The following ZNF365 variants were observed in gnomAD, a reference collection of about 807,000 sequenced individuals.
ZNF365 encodes protein ZNF365.
ZNF365 carries 22 observed loss-of-function variants against 35.0 expected under a neutral mutation model. The ratio of observed to expected loss-of-function variants is 0.63; its 90% confidence interval spans 0.45 to 0.90. The LOEUF (loss-of-function observed/expected upper bound fraction) is 0.90, where lower values mean the gene tolerates loss of function less well. Ranked by LOEUF, ZNF365 falls within the 40% of genes least tolerant of loss-of-function variation. The probability of loss-of-function intolerance (pLI) is 0.00; values close to 1 mark genes in which losing one functional copy is unlikely to be tolerated. For missense variants in ZNF365, 448 were observed against 500.3 expected (o/e 0.90, Z 1.00); for synonymous variants, 188 against 196.2 (o/e 0.96, Z 0.35).
chr10:62,384,545 T>G (rs989503475), intron 2 of ZNF365, among the ~76,000 whole-genome samples: 2 of 152,246 alleles, frequency 1.3e-5, no homozygotes, highest in African/African-American at 4.8e-5. Context: ...TGTGGCTTCA[T>G]AGAAGGCAGC....
At chr10:62,402,756 G>A (rs1300866946), downstream of ZNF365, among the ~76,000 whole-genome samples, 10 of 152,178 alleles carry the variant, frequency 6.6e-5, no homozygotes. Context: ...TTTTAAACTT[G>A]TCATCTCTTA....
intron 4 of ZNF365, among the ~76,000 whole-genome samples, chr10:62,477,516 A>G (rs760103279): frequency 2.0e-5 from 3 of 152,206 alleles, no homozygotes; most frequent in Non-Finnish European, 4.4e-5. Context: ...GTCCAGGCAC[A>G]TTACTTGGCA....
rs188243922 is a variant in ZNF365, at chr10:62,380,759, A to G, written c.743+3823A>G. On this transcript the variant is annotated intron_variant, in intron 2 of 4. Coordinates refer to ENST00000395254, the MANE Select transcript of ZNF365 (RefSeq NM_014951.3). Reference sequence around the variant, plus strand: ...TGAAGAGTATTCAGAGCTGGTGGGTAGTGCTGTCTGTAATCAGGTAAATCA... The same window carrying G: ...TGAAGAGTATTCAGAGCTGGTGGGTGGTGCTGTCTGTAATCAGGTAAATCA... Among the ~76,000 whole-genome samples, 4 of 152,358 alleles carry G rather than the reference A, an allele frequency of 2.6e-5. No homozygotes were observed. The East Asian group carries it at 7.7e-4, about 29-fold the overall frequency.
chr10:62,441,738 C>T lies in ZNF365; in HGVS notation c.925-18003C>T, dbSNP rs542355752. Among the ~76,000 whole-genome samples, 4 of 152,226 alleles carry T rather than the reference C, an allele frequency of 2.6e-5. No homozygotes were observed. In the East Asian group the frequency reaches 7.7e-4, roughly 29 times the overall value. ...TATATTTTGGGATCCCTACAATGTC[C>T]AGCAAATAACTGGACCTATTTTACA... is the stretch of plus-strand genomic sequence containing the variant. On this transcript the variant is annotated intron_variant, in intron 3 of 4. Coordinates refer to the ZNF365 transcript ENST00000395255.
chr10:62,397,908 A>G (rs1331857690), intron 3 of ZNF365, among the ~76,000 whole-genome samples: 6 of 152,214 alleles, frequency 3.9e-5, no homozygotes, highest in Admixed American at 3.3e-4. Flanking sequence ...TTTTATTTCA[A>G]TGGTTTTGGG....
At chr10:62,452,463 G>A (rs1025687361) in intron 3 of ZNF365, among the ~76,000 whole-genome samples, 6 of 152,216 alleles carry the variant, frequency 3.9e-5, no homozygotes, top group Non-Finnish European at 7.3e-5. Context: ...GACCAAGGTT[G>A]AAAGAATCTT....
intron 3 of ZNF365, among the ~76,000 whole-genome samples, chr10:62,389,439 G>GAT (rs1554823947): frequency 1.3e-5 from 2 of 148,382 alleles, no homozygotes; most frequent in African/African-American, 5.0e-5. Flanking sequence ...AAATAGTTTT[G>GAT]TTTTTTTTTT....
At chr10:62,416,831 T>A (rs1408428056) in intron 3 of ZNF365, among the ~76,000 whole-genome samples, 1 of 152,114 alleles carries the variant, frequency 6.6e-6, no homozygotes, top group Non-Finnish European at 1.5e-5. Context: ...TTGAGTGTCA[T>A]GTTGGCACTC....
In ZNF365 at chr10:62,449,324, G is replaced by T. The variant is rs186757666; in HGVS notation, c.925-10417G>T. On this transcript the variant is annotated intron_variant, in intron 3 of 4. Coordinates refer to the ZNF365 transcript ENST00000395255. ...GGTTGTTTTGGGGGGCAAGGGAAAG[G>T]CTTGTGATTAGAATGGGCTCATGGA... 1.7e-3 allele frequency among the ~76,000 whole-genome samples: 254 copies of T among 152,306 alleles called. 1 individual carries two copies. Among genetic ancestry groups the T allele is most frequent in the Middle Eastern group, 0.01 (3 of 294 alleles).
chr10:62,397,000 TTGG>T (rs1839738996), intron 3 of ZNF365, among the ~76,000 whole-genome samples: 1 of 152,256 alleles, frequency 6.6e-6, no homozygotes, highest in Non-Finnish European at 1.5e-5. Context: ...GAAATACTTA[TTGG>T]TGATGGTGGG....
In ZNF365 at chr10:62,379,846, C is replaced by T. The variant is rs1022983973; in HGVS notation, c.743+2910C>T. Among the ~76,000 whole-genome samples, 54 of 152,174 alleles carry T rather than the reference C, an allele frequency of 3.5e-4. 1 individual carries two copies. Among genetic ancestry groups the T allele is most frequent in the African/African-American group, 1.2e-3 (50 of 41,438 alleles). On this transcript the variant is annotated intron_variant, in intron 2 of 4. Transcript: ENST00000395254. ...ACCGTATTTTGCCAAGGACCATACC[C>T]GGAGTTGGGCTCCCCTGCCAAACAC...
intron 3 of ZNF365, among the ~76,000 whole-genome samples, chr10:62,442,627 T>C (rs531792856): frequency 3.9e-5 from 6 of 152,296 alleles, no homozygotes; most frequent in East Asian, 1.9e-4. Flanking sequence ...CCTGGCCTTC[T>C]TCCTTTGCCT....
intron 3 of ZNF365, among the ~76,000 whole-genome samples, chr10:62,445,515 G>T (rs1840572245): frequency 3.3e-5 from 5 of 152,164 alleles, no homozygotes; most frequent in Non-Finnish European, 7.4e-5. Context: ...GCCCCAACCA[G>T]GTCGCTCATC....
intron 3 of ZNF365, among the ~76,000 whole-genome samples, chr10:62,431,221 C>G (rs946769778): frequency 1.3e-5 from 2 of 152,184 alleles, no homozygotes; most frequent in African/African-American, 2.4e-5. Flanking sequence ...CTTTCTCCCC[C>G]CTGCTCTTTC....
At chr10:62,479,257 G>C (rs1163391377) in intron 4 of ZNF365, among the ~76,000 whole-genome samples, 1 of 152,148 alleles carries the variant, frequency 6.6e-6, no homozygotes, top group Non-Finnish European at 1.5e-5. Context: ...CTCCCACGTA[G>C]AAGAAAACCA....
rs536995984 is a variant in ZNF365, at chr10:62,475,677, G to T, written c.982-4199G>T. The stretch of plus-strand genomic sequence containing the variant: ...GAGCCCCATCTAGGAAATGCCCCAC[G>T]TTCTTCAAATGGAAAAGTGGGAGTC... On this transcript the variant is annotated intron_variant, in intron 4 of 4. Coordinates refer to the ZNF365 transcript ENST00000395255. Among the ~76,000 whole-genome samples, 4 of 152,246 alleles carry T rather than the reference G, an allele frequency of 2.6e-5. No homozygotes were observed. The South Asian group carries it at 8.3e-4, about 32-fold the overall frequency.
intron 3 of ZNF365, among the ~76,000 whole-genome samples, chr10:62,395,057 A>G (rs1029303800): frequency 2.0e-5 from 3 of 152,176 alleles, no homozygotes; most frequent in African/African-American, 4.8e-5. Flanking sequence ...TCTGCAGTGC[A>G]CTGGGGCAAG....
intron 4 of ZNF365, among the ~76,000 whole-genome samples, chr10:62,460,764 A>T (rs1218815182): frequency 6.6e-6 from 1 of 152,142 alleles, no homozygotes; most frequent in African/African-American, 2.4e-5. Flanking sequence ...GACAATGTGG[A>T]AATGTATGGG....
chr10:62,471,912 A>G lies in ZNF365; in HGVS notation c.982-7964A>G, dbSNP rs112926433. ...AAATTCTAAAAATTGTTACATGTTG[A>G]ATCAGCCATCAGGGACTCCTTATGT... is the stretch of plus-strand genomic sequence containing the variant. On this transcript the variant is annotated intron_variant, in intron 4 of 4. Transcript: ENST00000395255. Among the ~76,000 whole-genome samples, 889 of 152,380 alleles carry G rather than the reference A, an allele frequency of 5.8e-3. 11 individuals carry two copies. Among genetic ancestry groups the G allele is most frequent in the African/African-American group, 0.02 (844 of 41,574 alleles).
Sources: gnomAD v4.1 joint callset for allele counts (sites outside exome capture counted in the v4.1 genomes callset) on GRCh38, gnomAD v4.1.1 for gene constraint, MANE v1.5 for transcripts, NCBI Gene and HGNC (gene_info 2026-07-23, HGNC 2026-07-21) for gene names.